KCNN1: variants seen among roughly 807,000 people sequenced by gnomAD.
The protein encoded by KCNN1 is potassium calcium-activated channel subfamily N member 1.
A neutral mutation model predicts 44.7 loss-of-function variants in KCNN1; 20 were observed. That is an observed-to-expected ratio of 0.45 (90% CI 0.32 to 0.65). The LOEUF (loss-of-function observed/expected upper bound fraction) is 0.65. Ranked by LOEUF, KCNN1 falls within the 30% of genes least tolerant of loss-of-function variation. The pLI, the probability that KCNN1 is intolerant of heterozygous loss-of-function variation, is 0.05. For synonymous variants in KCNN1, 324 were observed against 341.7 expected (o/e 0.95, Z 0.57); for missense variants, 632 against 785.3 (o/e 0.80, Z 2.33).
Position 17,974,129 on chromosome 19 carries a change from A to G in KCNN1, c.241A>G (p.Arg81Gly), listed in dbSNP as rs1483064603. 6.2e-7 allele frequency: 1 copy of G among 1,613,126 alleles called. No homozygotes were observed. The highest frequency in any genetic ancestry group is 2.2e-5 in the East Asian group (1 of 44,876). Residue 81 changes from arginine to glycine, a missense_variant, in exon 2 of 10, where the codon AGA becomes GGA. Transcript: ENST00000684775. The surrounding 1 kb of genome is among the most constrained non-coding windows in gnomAD (Gnocchi z 7.3). Reference sequence around the variant, plus strand: ...TGAGGAAGATGAGGCCGGCAGGCAGAGAGCCTCGGGGAAACCCTCAAATGT... The same window carrying G: ...TGAGGAAGATGAGGCCGGCAGGCAGGGAGCCTCGGGGAAACCCTCAAATGT... ...DDEEDEAGRQ[R>G]ASGKPSNVGH...
At chr19:17,963,938 A>G (rs1315106333), upstream of KCNN1, among the ~76,000 whole-genome samples, 1 of 152,116 alleles carries the variant, frequency 6.6e-6, no homozygotes, top group Non-Finnish European at 1.5e-5. Context: ...TATGTTGCCT[A>G]GGCTGGACAG....
intron 1 of KCNN1, among the ~76,000 whole-genome samples, chr19:17,972,978 G>A (rs1332004660): frequency 6.6e-6 from 1 of 152,162 alleles, no homozygotes; most frequent in Non-Finnish European, 1.5e-5. Flanking sequence ...GCCTGTGCAA[G>A]GTATCAGAGA....
In KCNN1 at chr19:17,993,328, T is replaced by G. The variant is rs887179099; in HGVS notation, c.1308-162T>G. 4.6e-5 allele frequency among the ~76,000 whole-genome samples: 7 copies of G among 152,118 alleles called. No individual in the cohort carries two copies. The highest frequency in any genetic ancestry group is 1.7e-4 in the African/African-American group (7 of 41,424). ...TGGCCCTGGCGCACCGGCTGTGTAC[T>G]GGGAGGGAATAGACTACAGGGAATC... On this transcript the variant is annotated intron_variant, in intron 8 of 9. Coordinates refer to ENST00000684775, the MANE Select transcript of KCNN1 (RefSeq NM_001386974.1). The surrounding 1 kb of genome is among the most constrained non-coding windows in gnomAD (Gnocchi z 4.5).
chr19:17,995,267 A>G (rs1254312670), intron 9 of KCNN1, among the ~76,000 whole-genome samples: 2 of 149,764 alleles, frequency 1.3e-5, no homozygotes, highest in African/African-American at 4.9e-5. Flanking sequence ...CAACCTCCCC[A>G]GGCTCAAGCA....
rs776784133 is a variant in KCNN1, at chr19:17,973,778, C to T, written c.-81-30C>T. ...TTTCTGGTCAGTAAGCTGGACCCTG[C>T]TGTGACCATGTCCCTCTGTGCCCTT... On this transcript the variant is annotated intron_variant, in intron 1 of 9. Coordinates refer to ENST00000684775, the MANE Select transcript of KCNN1 (RefSeq NM_001386974.1). 5.0e-5 allele frequency: 74 copies of T among 1,477,656 alleles called. No individual in the cohort carries two copies. The South Asian group carries it at 9.9e-4, about 20-fold the overall frequency. The allele number at this position is 1,477,656 out of a possible 1,614,324, so 91.5% of individuals were successfully genotyped here. A position where few individuals can be genotyped will look rare whatever the true frequency, so the allele number is the denominator to read the frequency against.
chr19:17,982,048 A>G lies in KCNN1; in HGVS notation c.838A>G (p.Ile280Val). ...TRFVMKTLMTICPGTVLLVFS... is the reference protein window; with the variant it reads ...TRFVMKTLMTVCPGTVLLVFS... ...CTTCGTCATGAAGACACTCATGACC[A>G]TCTGCCCCGGCACCGTGCTGCTGGT... Residue 280 changes from isoleucine (I) to valine (V), a missense_variant, in exon 4 of 10, where the codon ATC (isoleucine) becomes GTC (valine). Around this residue, in one of 3 missense-constraint regions of KCNN1, gnomAD observed 160 missense variants for 308.3 expected, o/e 0.52. Coordinates refer to ENST00000684775, the MANE Select transcript of KCNN1 (RefSeq NM_001386974.1). The G allele has an allele frequency of 1.2e-6, 2 of 1,609,526 alleles. No individual in the cohort carries two copies. Among genetic ancestry groups the G allele is most frequent in the Non-Finnish European group, 1.7e-6 (2 of 1,178,226 alleles).
chr19:17,984,471 A>G (rs2145952785), intron 4 of KCNN1, among the ~76,000 whole-genome samples: 1 of 152,184 alleles, frequency 6.6e-6, no homozygotes, highest in Non-Finnish European at 1.5e-5. Context: ...GGCTCAGGTG[A>G]TCTAAGCCCT....
Position 17,974,192 on chromosome 19 carries a change from A to C in KCNN1, c.304A>C (p.Lys102Gln), listed in dbSNP as rs1173594029. 4 of 1,612,906 alleles carry C rather than the reference A, an allele frequency of 2.5e-6. No individual in the cohort carries two copies. In the Admixed American group the frequency reaches 6.7e-5, roughly 27 times the overall value. The change falls in exon 2 of 10, where the codon AAG becomes CAG. Residue 102 changes from lysine to glutamine, a missense_variant. Around this residue, in one of 3 missense-constraint regions of KCNN1, gnomAD observed 235 missense variants for 224.0 expected, o/e 1.05. Coordinates refer to ENST00000684775, the MANE Select transcript of KCNN1 (RefSeq NM_001386974.1). This position sits in a 1 kb window ranked among gnomAD's most constrained non-coding sequence, Gnocchi z 7.3. ...RLGHRRALFE[K>Q]RKRLSDYALI... ...GGGCCACCGGCGGGCGCTCTTCGAG[A>C]AGCGGAAGCGCCTCAGCGACTATGC... is the stretch of plus-strand genomic sequence containing the variant.
Position 17,975,126 on chromosome 19 carries a change from T to A in KCNN1, c.437T>A (p.Ile146Asn). Residue 146 changes from isoleucine (I) to asparagine (N), a missense_variant, in exon 3 of 10, where the codon ATC becomes AAC. Ile to Asn is a moderately radical substitution (Grantham distance 149). Around this residue, in one of 3 missense-constraint regions of KCNN1, gnomAD observed 235 missense variants for 224.0 expected, o/e 1.05. Transcript: ENST00000684775. ...TACTCATTCGCACTCAAATGCCTCA[T>A]CAGCCTCTCCACGGCCATCCTGCTG... ...SLYSFALKCL[I>N]SLSTAILLGL... 6.2e-7 allele frequency: 1 copy of A among 1,613,694 alleles called. No individual in the cohort carries two copies. The highest frequency in any genetic ancestry group is 8.5e-7 in the Non-Finnish European group (1 of 1,179,796).
Position 17,989,737 on chromosome 19 carries a change from G to C in KCNN1, c.1192G>C (p.Val398Leu). ...TKRVKNAAAN[V>L]LRETWLIYKH... ...CCAGGTAAAAAACGCCGCTGCTAAC[G>C]TTCTCAGGGAGACGTGGCTCATCTA... Residue 398 changes from valine (V) to leucine (L), a missense_variant, in exon 7 of 10, where the codon GTT becomes CTT. By Grantham distance (32) the Val-to-Leu change is conservative. Coordinates refer to ENST00000684775, the MANE Select transcript of KCNN1 (RefSeq NM_001386974.1). The C allele has an allele frequency of 6.2e-7, 1 of 1,613,836 alleles. No homozygotes were observed. The highest frequency in any genetic ancestry group is 8.5e-7 in the Non-Finnish European group (1 of 1,179,844).
chr19:17,994,615 C>T (rs1273309943), intron 9 of KCNN1, among the ~76,000 whole-genome samples: 4 of 152,030 alleles, frequency 2.6e-5, no homozygotes, highest in African/African-American at 9.7e-5. Context: ...GTGATCTCAG[C>T]TCACTGCAAC....
chr19:17,970,847 C>A (rs995277760), intron 1 of KCNN1, among the ~76,000 whole-genome samples: 9 of 151,758 alleles, frequency 5.9e-5, no homozygotes, highest in Non-Finnish European at 1.3e-4. Flanking sequence ...ATGTGTGCGG[C>A]AGCCAAAGTC....
At chr19:17,962,980 C>T (rs541392796), upstream of KCNN1, among the ~76,000 whole-genome samples, 5 of 137,964 alleles carry the variant, frequency 3.6e-5, no homozygotes, top group Non-Finnish European at 7.7e-5. Flanking sequence ...GGATTACAGG[C>T]GTGAGCCACC....
intron 2 of KCNN1, among the ~76,000 whole-genome samples, chr19:17,961,586 C>CTTTTT (rs60134891): frequency 3.6e-4 from 47 of 130,040 alleles, no homozygotes; most frequent in South Asian, 1.2e-3. Flanking sequence ...TTCTTTCTTT[C>CTTTTT]TTTTTTTTTT....
intron 9 of KCNN1, among the ~76,000 whole-genome samples, chr19:17,995,202 T>C (rs1384646966): frequency 1.3e-5 from 2 of 151,942 alleles, no homozygotes; most frequent in Non-Finnish European, 2.9e-5. Context: ...AGACAGGGTC[T>C]TGCTCTGTGG....
intron 6 of KCNN1, 93 bp from the exon 7 acceptor site, chr19:17,989,623 A>C (rs780560301): frequency 7.0e-6 from 11 of 1,580,776 alleles, no homozygotes; most frequent in Non-Finnish European, 9.5e-6. Context: ...CATTTCCAGA[A>C]GTTTCTAGAG....
At chr19:17,952,945 C>G (rs1226606264) in intron 1 of KCNN1, among the ~76,000 whole-genome samples, 1 of 152,180 alleles carries the variant, frequency 6.6e-6, no homozygotes, top group Non-Finnish European at 1.5e-5. Context: ...GGTTTCTGGT[C>G]AGATCCACGA....
rs1456583113 is a variant in KCNN1 at position 17,973,834 on chromosome 19, C to G, written c.-55C>G. The G allele has an allele frequency of 6.5e-7, 1 of 1,535,090 alleles. No individual in the cohort carries two copies. The highest frequency in any genetic ancestry group is 8.7e-7 in the Non-Finnish European group (1 of 1,144,064). ...TCAGTGCAGGAGCCCAGCCGCTGAG[C>G]CATGCCGGGCCCCGGGCGGCCTGCA... On this transcript the variant is annotated 5_prime_UTR_variant, in exon 2 of 10. Transcript: ENST00000684775.
chr19:17,976,470 T>C (rs923699496), intron 3 of KCNN1, among the ~76,000 whole-genome samples: 15 of 150,564 alleles, frequency 1.0e-4, no homozygotes, highest in Non-Finnish European at 3.0e-5. Flanking sequence ...CAGGCTGGAG[T>C]GCAATGGCAC....
Sources: gnomAD v4.1 joint callset for allele counts (sites outside exome capture counted in the v4.1 genomes callset) on GRCh38, gnomAD v4.1.1 for gene constraint, gnomAD v4.1.1 regional missense constraint, Gnocchi (gnomAD v3.1) non-coding constraint, MANE v1.5 for transcripts, NCBI Gene and HGNC (gene_info 2026-07-23, HGNC 2026-07-21) for gene names.